Variants in CERS3 observed in about 807,000 individuals in gnomAD.
CERS3 encodes the protein LAG1 homolog, ceramide synthase 3.
In CERS3, 33 loss-of-function variants were observed where a neutral mutation model predicts 50.3. The ratio of observed to expected loss-of-function variants is 0.66; its 90% confidence interval spans 0.50 to 0.88. The LOEUF (loss-of-function observed/expected upper bound fraction) is 0.88, where lower values mean the gene tolerates loss of function less well. CERS3 is among the 40% of genes least tolerant of loss of function. The probability of loss-of-function intolerance (pLI) is 0.00; values close to 1 mark genes in which losing one functional copy is unlikely to be tolerated. For synonymous variants in CERS3, 176 were observed against 155.2 expected, an observed-to-expected ratio of 1.13 and a Z score of -0.99; for missense variants, 470 against 460.3, an observed-to-expected ratio of 1.02 and a Z score of -0.19.
chr15:100,491,503 C>A (rs1455888209), intron 3 of CERS3, among the ~76,000 whole-genome samples: 1 of 152,128 alleles, frequency 6.6e-6, no homozygotes, highest in African/African-American at 2.4e-5. Flanking sequence ...CATATCCCTG[C>A]CAACACATGG....
At chr15:100,409,523 C>T (rs778824319) in intron 11 of CERS3, among the ~76,000 whole-genome samples, 4 of 152,128 alleles carry the variant, frequency 2.6e-5, no homozygotes, top group Non-Finnish European at 4.4e-5. Context: ...GTAATTAAAA[C>T]ACTTCATAGA....
intron 11 of CERS3, among the ~76,000 whole-genome samples, chr15:100,448,762 G>T (rs2034041694): frequency 6.6e-6 from 1 of 152,222 alleles, no homozygotes; most frequent in African/African-American, 2.4e-5. Context: ...TATTGACAGT[G>T]GCCCTGATAT....
At chr15:100,537,682 GGA>G (rs1190879404) in intron 1 of CERS3, among the ~76,000 whole-genome samples, 2 of 152,166 alleles carry the variant, frequency 1.3e-5, no homozygotes, top group Non-Finnish European at 2.9e-5. Flanking sequence ...GTCTCTCCAT[GGA>G]CATGTGAGGA....
chr15:100,453,767 A>G (rs1420797590), intron 11 of CERS3, among the ~76,000 whole-genome samples: 3 of 152,216 alleles, frequency 2.0e-5, no homozygotes, highest in Non-Finnish European at 4.4e-5. Context: ...TTCACCAAAA[A>G]AAGCCTTAGA....
chr15:100,540,435 T>C (rs141883512), intron 1 of CERS3, among the ~76,000 whole-genome samples: 34 of 152,144 alleles, frequency 2.2e-4, no homozygotes, highest in African/African-American at 7.0e-4. Context: ...TCCCAGGTAC[T>C]TGGGAGGCTG....
At chr15:100,540,895 C>T (rs1045700228) in intron 1 of CERS3, among the ~76,000 whole-genome samples, 11 of 152,192 alleles carry the variant, frequency 7.2e-5, no homozygotes, top group African/African-American at 2.4e-4. Context: ...TTGTTTCAAG[C>T]TACGTATACT....
chr15:100,514,870 GTTATCACTGATTCAACATTAGGAAAAC>G (rs1056439880), intron 2 of CERS3, among the ~76,000 whole-genome samples: 1 of 152,124 alleles, frequency 6.6e-6, no homozygotes, highest in African/African-American at 2.4e-5. Context: ...TTAAAATATT[GTTATCACTGATTCAACATTAGGAAAAC>G]TTATCACTCT....
At chr15:100,484,054 G>T (rs1390494190) in intron 5 of CERS3, among the ~76,000 whole-genome samples, 1 of 151,900 alleles carries the variant, frequency 6.6e-6, no homozygotes, top group East Asian at 1.9e-4. Flanking sequence ...CACCCTACAG[G>T]AGGGCTGGGG....
rs1413421840 is a variant in CERS3 at position 100,438,802 on chromosome 15, G to A, written c.999+17091C>T. On this transcript the variant is annotated intron_variant, in intron 11 of 11. Transcript: ENST00000679737. Reference sequence around the variant, plus strand: ...CTGCATGCTACAGTTCCCCCCGCACGTCTTGACTACTCACCAGCACAAGAT... The same window carrying A: ...CTGCATGCTACAGTTCCCCCCGCACATCTTGACTACTCACCAGCACAAGAT... Among the ~76,000 whole-genome samples the A allele has an allele frequency of 5.9e-5, 9 of 152,240 alleles. No homozygotes were observed. The East Asian group carries it at 1.3e-3, about 23-fold the overall frequency.
Position 100,402,735 on chromosome 15 carries a change from G to T in CERS3, c.1130C>A (p.Pro377His), listed in dbSNP as rs760794032. The change falls in exon 12 of 12, where the codon CCC (proline) becomes CAC (histidine). Residue 377 changes from proline to histidine, a missense_variant. Physicochemically the swap from Pro to His is moderately conservative, Grantham distance 77. Coordinates refer to ENST00000679737, the MANE Select transcript of CERS3 (RefSeq NM_001378789.1). ...CAGCTAATGGCCATGCTGGCCATTG[G>T]GAATGAGGTGCCTCTCAGCCCTGAG... ...NGLRAERHLI[P>H]NGQHGH 1.2e-6 allele frequency: 2 copies of T among 1,614,002 alleles called. No homozygotes were observed. Among genetic ancestry groups the T allele is most frequent in the East Asian group, 2.2e-5 (1 of 44,886 alleles).
At chr15:100,507,553 A>G (rs1198880830) in intron 2 of CERS3, among the ~76,000 whole-genome samples, 2 of 152,236 alleles carry the variant, frequency 1.3e-5, no homozygotes, top group Admixed American at 6.5e-5. Flanking sequence ...AACCTCTGGG[A>G]TCTTTCAGAG....
intron 1 of CERS3, among the ~76,000 whole-genome samples, chr15:100,536,909 C>T (rs899129828): frequency 1.3e-5 from 2 of 152,188 alleles, no homozygotes; most frequent in South Asian, 4.1e-4. Flanking sequence ...CTGAACAGGA[C>T]AATGAGGAAA....
intron 10 of CERS3, among the ~76,000 whole-genome samples, chr15:100,457,716 A>G (rs1220248185): frequency 6.6e-6 from 1 of 152,240 alleles, no homozygotes; most frequent in Non-Finnish European, 1.5e-5. Context: ...TCTGGTAAAT[A>G]TATGCTTAAC....
At chr15:100,491,422 G>A (rs1386279397) in intron 3 of CERS3, among the ~76,000 whole-genome samples, 1 of 152,036 alleles carries the variant, frequency 6.6e-6, no homozygotes, top group Non-Finnish European at 1.5e-5. Flanking sequence ...TAAAAAACTG[G>A]CAAGTTGTTT....
At chr15:100,406,982 C>T (rs1218257293) in intron 11 of CERS3, among the ~76,000 whole-genome samples, 1 of 152,080 alleles carries the variant, frequency 6.6e-6, no homozygotes, top group African/African-American at 2.4e-5. Context: ...TTTTTGACAC[C>T]ATCAGATCTT....
intron 2 of CERS3, among the ~76,000 whole-genome samples, chr15:100,514,360 A>G (rs1320719559): frequency 6.6e-6 from 1 of 152,246 alleles, no homozygotes; most frequent in African/African-American, 2.4e-5. Flanking sequence ...AATAATATTC[A>G]GTGCTAACTA....
chr15:100,469,748 T>A (rs1035766530), intron 9 of CERS3, among the ~76,000 whole-genome samples: 1 of 152,238 alleles, frequency 6.6e-6, no homozygotes, highest in African/African-American at 2.4e-5. Flanking sequence ...TATATTTAAA[T>A]GCCTGTAATA....
At chr15:100,409,626 G>A (rs1277510650) in intron 11 of CERS3, among the ~76,000 whole-genome samples, 2 of 152,160 alleles carry the variant, frequency 1.3e-5, no homozygotes, top group African/African-American at 2.4e-5. Flanking sequence ...AACTCTACCT[G>A]TCTGCTTTGA....
intron 3 of CERS3, among the ~76,000 whole-genome samples, chr15:100,499,939 G>T (rs191203219): frequency 3.9e-5 from 6 of 152,212 alleles, no homozygotes; most frequent in Non-Finnish European, 7.4e-5. Context: ...TGTGACCTTG[G>T]CCAGGTCATT....
Sources: allele counts gnomAD v4.1 joint callset (sites outside exome capture counted in the v4.1 genomes callset), GRCh38; gene constraint gnomAD v4.1.1; transcripts MANE v1.5; gene names NCBI Gene and HGNC (gene_info 2026-07-23, HGNC 2026-07-21).